FAR1: variants seen among roughly 807,000 people sequenced by gnomAD.
FAR1 encodes the protein male sterility domain-containing protein 2.
FAR1 carries 22 observed loss-of-function variants against 61.1 expected under a neutral mutation model. The ratio of observed to expected loss-of-function variants is 0.36; its 90% confidence interval spans 0.26 to 0.51. The LOEUF is 0.51. FAR1 is among the 20% of genes least tolerant of loss of function. The pLI is 0.95. For synonymous variants in FAR1, 206 were observed against 209.7 expected, an observed-to-expected ratio of 0.98 and a Z score of 0.15; for missense variants, 359 against 626.9, an observed-to-expected ratio of 0.57 and a Z score of 4.56.
chr11:13,684,701 G>C (rs1487507450), intron 1 of FAR1, among the ~76,000 whole-genome samples: 1 of 152,164 alleles, frequency 6.6e-6, no homozygotes, highest in African/African-American at 2.4e-5. Context: ...GGAAGGAGCA[G>C]TTTATAAGCT....
chr11:13,675,052 ACT>A (rs1491465091), intron 1 of FAR1, among the ~76,000 whole-genome samples: 2 of 65,368 alleles, frequency 3.1e-5, no homozygotes, highest in Non-Finnish European at 6.1e-5. Context: ...AAATCCCTAG[ACT>A]TTTTTTTTTT....
chr11:13,715,330 G>A (rs186701821), intron 9 of FAR1, among the ~76,000 whole-genome samples: 74 of 152,184 alleles, frequency 4.9e-4, no homozygotes, highest in Non-Finnish European at 1.2e-4. Context: ...GGATCACATC[G>A]TATTGGGTCG....
intron 9 of FAR1, among the ~76,000 whole-genome samples, chr11:13,716,273 A>T (rs931573691): frequency 6.6e-6 from 1 of 152,184 alleles, no homozygotes; most frequent in Admixed American, 6.5e-5. Flanking sequence ...GTAAAATTTT[A>T]AAAAAATAAG....
chr11:13,672,347 C>A (rs1030356026), intron 1 of FAR1, among the ~76,000 whole-genome samples: 1 of 147,692 alleles, frequency 6.8e-6, no homozygotes, highest in Non-Finnish European at 1.5e-5. Flanking sequence ...CTCAAGAGTT[C>A]AAGAGCAGCC....
intron 1 of FAR1, among the ~76,000 whole-genome samples, chr11:13,684,933 C>CCG (rs1399741388): frequency 6.6e-6 from 1 of 152,144 alleles, no homozygotes; most frequent in African/African-American, 2.4e-5. Context: ...TTAAGCAAGA[C>CCG]CGCAAATCTT....
Position 13,712,039 on chromosome 11 carries a change from G to A in FAR1, c.880G>A (p.Val294Ile). ...TCTTGCGGCAGCCTGGTATTCCGGA[G>A]TTAATAGGTATATGAGGTGACAATG... ...MSLAAAWYSG[V>I]NRPRNIMVYN... The change falls in exon 7 of 12, where the codon GTT becomes ATT. Residue 294 changes from valine to isoleucine, a missense_variant. Transcript: ENST00000354817. 1 of 1,602,420 alleles carries A rather than the reference G, an allele frequency of 6.2e-7. No homozygotes were observed.
At chr11:13,711,839 C>T in intron 6 of FAR1, 31 bp downstream of exon 6, 2 of 1,570,982 alleles carry the variant, frequency 1.3e-6, no homozygotes, top group Non-Finnish European at 8.7e-7. Context: ...ATTTAATATT[C>T]TATACATTTT....
At chr11:13,716,459 G>T (rs116897738) in intron 9 of FAR1, among the ~76,000 whole-genome samples, 2,208 of 152,290 alleles carry the variant, frequency 0.014, 22 homozygotes, top group Non-Finnish European at 0.024. Flanking sequence ...TCTTTCATGT[G>T]TTTGTGATCA....
At chr11:13,715,605 T>A (rs1223670383) in intron 9 of FAR1, among the ~76,000 whole-genome samples, 1 of 152,138 alleles carries the variant, frequency 6.6e-6, no homozygotes, top group East Asian at 1.9e-4. Context: ...ATTATCCAGG[T>A]TGGGAATGGC....
chr11:13,714,390 A>T, intron 8 of FAR1, 119 bp from the exon 9 acceptor site: 1 of 1,007,872 alleles, frequency 9.9e-7, no homozygotes, highest in Non-Finnish European at 1.4e-6. Flanking sequence ...TTGTTTTTTA[A>T]ATGTACGAAC....
At chr11:13,678,983 G>A (rs906863516) in intron 1 of FAR1, among the ~76,000 whole-genome samples, 12 of 151,950 alleles carry the variant, frequency 7.9e-5, no homozygotes, top group African/African-American at 2.2e-4. Flanking sequence ...TGGGCGAAGC[G>A]GTATGTAGTA....
At chr11:13,689,873 CT>C (rs71041539) in intron 1 of FAR1, among the ~76,000 whole-genome samples, 19,026 of 118,338 alleles carry the variant, frequency 0.16, 949 homozygotes, top group South Asian at 0.21. Context: ...TCATTTCGAT[CT>C]TTTTTTTTTT....
chr11:13,721,783 T>G lies in FAR1; in HGVS notation c.1181T>G (p.Phe394Cys). 1 of 1,611,226 alleles carries G rather than the reference T, an allele frequency of 6.2e-7. No individual in the cohort carries two copies. Among genetic ancestry groups the G allele is most frequent in the Non-Finnish European group, 8.5e-7 (1 of 1,178,392 alleles). ...LHKAMVFLEY[F>C]TSNSWVWNTE... ...AAAGCTATGGTGTTTCTTGAATATTTCACAAGTAATTCTTGGGTTTGGAAT... is the reference window on the plus strand; with the variant it reads ...AAAGCTATGGTGTTTCTTGAATATTGCACAAGTAATTCTTGGGTTTGGAAT... Residue 394 changes from phenylalanine (F) to cysteine (C), a missense_variant, in exon 10 of 12, where the codon TTC (phenylalanine) becomes TGC (cysteine). Transcript: ENST00000354817. This position sits in a 1 kb window ranked among gnomAD's most constrained non-coding sequence, Gnocchi z 4.2.
chr11:13,697,683 C>T (rs1203589266), intron 2 of FAR1, among the ~76,000 whole-genome samples: 5 of 151,930 alleles, frequency 3.3e-5, no homozygotes, highest in South Asian at 2.1e-4. Context: ...ATGATCATGT[C>T]CTGGTGGTAG....
At chr11:13,716,387 C>A (rs537171685) in intron 9 of FAR1, among the ~76,000 whole-genome samples, 1 of 152,260 alleles carries the variant, frequency 6.6e-6, no homozygotes, top group African/African-American at 2.4e-5. Context: ...TTATTTCTTT[C>A]AATTATTTCT....
At chr11:13,669,502 G>A (rs1847970530) in intron 1 of FAR1, 1 of 152,206 alleles carries the variant, frequency 6.6e-6, no homozygotes, top group Non-Finnish European at 1.5e-5. Flanking sequence ...GAAGGCATTA[G>A]TTGGTCTGTT....
chr11:13,699,032 G>A (rs2134182957), intron 2 of FAR1, among the ~76,000 whole-genome samples: 1 of 152,084 alleles, frequency 6.6e-6, no homozygotes, highest in Non-Finnish European at 1.5e-5. Flanking sequence ...GATTTCTAAG[G>A]GGTTATACTG....
rs887185026 is a variant in FAR1, at chr11:13,731,487, A to G, written c.*2713A>G. On this transcript the variant is annotated 3_prime_UTR_variant, in exon 12 of 12. Coordinates refer to ENST00000354817, the MANE Select transcript of FAR1 (RefSeq NM_032228.6). ...ACCAAAAAGTAATAAATGAATCCCT[A>G]TATTTCCATTATAGTATTTATTGTA... 5 of 152,706 alleles carry G rather than the reference A, an allele frequency of 3.3e-5. No homozygotes were observed. Among genetic ancestry groups the G allele is most frequent in the East Asian group, 1.9e-4 (1 of 5,188 alleles). The allele number at this position is 152,706 out of a possible 1,614,324, so 9.5% of individuals were successfully genotyped here.
intron 1 of FAR1, among the ~76,000 whole-genome samples, chr11:13,691,935 A>G (rs959224333): frequency 2.6e-5 from 4 of 152,138 alleles, no homozygotes; most frequent in Non-Finnish European, 4.4e-5. Context: ...TGGGAGGCCA[A>G]AGTGGGTGGA....
Sources: gnomAD v4.1 joint callset for allele counts (sites outside exome capture counted in the v4.1 genomes callset) on GRCh38, gnomAD v4.1.1 for gene constraint, Gnocchi (gnomAD v3.1) non-coding constraint, MANE v1.5 for transcripts, NCBI Gene and HGNC (gene_info 2026-07-23, HGNC 2026-07-21) for gene names.